Variants in LMNTD1 observed in about 807,000 individuals in gnomAD.
LMNTD1 encodes the protein lamin tail domain containing 1, also known as lamin tail domain-containing protein 1.
A neutral mutation model predicts 50.9 loss-of-function variants in LMNTD1; 35 were observed. That is an observed-to-expected ratio of 0.69 (90% confidence interval 0.53 to 0.91). The LOEUF is 0.91. LMNTD1 is among the 40% of genes least tolerant of loss of function. LMNTD1 has a pLI of 0.00. For synonymous variants in LMNTD1, 153 were observed against 161.9 expected (o/e 0.94, Z 0.42); for missense variants, 470 against 475.5 (o/e 0.99, Z 0.11).
Position 25,489,776 on chromosome 12 carries a change from C to T in LMNTD1, c.*23-13316G>A, listed in dbSNP as rs1416327458. On this transcript the variant is annotated intron_variant, in intron 9 of 9. Coordinates refer to ENST00000458174, the MANE Select transcript of LMNTD1 (RefSeq NM_001145728.2). The stretch of plus-strand genomic sequence containing the variant: ...TATTGAAAAATAAAAAGGTGAATGA[C>T]GATTCAGGATATAAGGATTGTATGT... 4.6e-5 allele frequency among the ~76,000 whole-genome samples: 7 copies of T among 152,038 alleles called. No individual in the cohort carries two copies. In the East Asian group the frequency reaches 9.6e-4, roughly 21 times the overall value.
chr12:25,498,907 A>G (rs1355820573), intron 9 of LMNTD1, among the ~76,000 whole-genome samples: 2 of 152,166 alleles, frequency 1.3e-5, no homozygotes, highest in African/African-American at 2.4e-5. Flanking sequence ...ATTAATGGCA[A>G]TGCCTGGTGA....
intron 2 of LMNTD1, among the ~76,000 whole-genome samples, chr12:25,550,756 G>A (rs1017381910): frequency 6.6e-6 from 1 of 152,216 alleles, no homozygotes; most frequent in African/African-American, 2.4e-5. Flanking sequence ...GTTCTACAAT[G>A]TGAAAGTTCC....
chr12:25,551,551 G>A (rs1943745545), intron 2 of LMNTD1, among the ~76,000 whole-genome samples: 1 of 152,080 alleles, frequency 6.6e-6, no homozygotes, highest in Non-Finnish European at 1.5e-5. Context: ...CACTATGCCT[G>A]CTAATTTTGA....
At chr12:25,539,251 C>A (rs899819721) in intron 4 of LMNTD1, among the ~76,000 whole-genome samples, 1 of 149,904 alleles carries the variant, frequency 6.7e-6, no homozygotes, top group African/African-American at 2.5e-5. Context: ...AACTCTCCAC[C>A]CCAAATCAAC....
rs766320140 is a variant in LMNTD1 at position 25,552,980 on chromosome 12, C to A, written c.-21G>T. On this transcript the variant is annotated 5_prime_UTR_variant, in exon 2 of 10. Coordinates refer to ENST00000458174, the MANE Select transcript of LMNTD1 (RefSeq NM_001145728.2). ...TTCATCTTGGCTAGAAAAGAAGTCT[C>A]TTTTCTTTCCTAGGAAAGCAGATCA... 6.2e-7 allele frequency: 1 copy of A among 1,607,690 alleles called. No homozygotes were observed. Among genetic ancestry groups the A allele is most frequent in the South Asian group, 1.1e-5 (1 of 90,222 alleles).
intron 1 of LMNTD1, among the ~76,000 whole-genome samples, chr12:25,630,314 G>A (rs12813491): frequency 0.061 from 9,267 of 152,200 alleles, 333 homozygotes; most frequent in African/African-American, 0.11. Flanking sequence ...TGGTGGACAG[G>A]AGGCAGGACT....
At chr12:25,487,958 GC>G (rs1350308116) in intron 9 of LMNTD1, among the ~76,000 whole-genome samples, 5 of 145,570 alleles carry the variant, frequency 3.4e-5, no homozygotes, top group Non-Finnish European at 6.0e-5. Flanking sequence ...TTGAATATTG[GC>G]CCCCACTCTC....
At chr12:25,618,758 A>G (rs1045535235) in intron 1 of LMNTD1, among the ~76,000 whole-genome samples, 3 of 152,208 alleles carry the variant, frequency 2.0e-5, no homozygotes, top group African/African-American at 7.2e-5. Context: ...GACCAAACCA[A>G]CTGCTAAAAT....
At chr12:25,541,054 C>A (rs557947562) in intron 4 of LMNTD1, among the ~76,000 whole-genome samples, 1 of 113,860 alleles carries the variant, frequency 8.8e-6, no homozygotes, top group African/African-American at 2.9e-5. Flanking sequence ...GAACTACAAA[C>A]CGCTGCTCAA....
At chr12:25,539,764 T>A (rs9795932) in intron 4 of LMNTD1, among the ~76,000 whole-genome samples, 6 of 103,884 alleles carry the variant, frequency 5.8e-5, no homozygotes. Context: ...AAAAACCCTT[T>A]AAAAAATTAA....
intron 1 of LMNTD1, among the ~76,000 whole-genome samples, chr12:25,609,758 C>A (rs957583894): frequency 6.6e-6 from 1 of 152,140 alleles, no homozygotes. Flanking sequence ...GTCAGTCAGC[C>A]CCTACTGGGA....
intron 2 of LMNTD1, among the ~76,000 whole-genome samples, chr12:25,551,987 A>G (rs1379751150): frequency 6.6e-6 from 1 of 152,196 alleles, no homozygotes; most frequent in Non-Finnish European, 1.5e-5. Flanking sequence ...CTGCATTGAT[A>G]ATATTGACGA....
chr12:25,482,342 A>G (rs531354105), intron 9 of LMNTD1, among the ~76,000 whole-genome samples: 11 of 152,028 alleles, frequency 7.2e-5, no homozygotes, highest in Non-Finnish European at 1.0e-4. Context: ...CAGTAACTAT[A>G]TTTTTTTATA....
chr12:25,536,903 T>C (rs1942629741), intron 4 of LMNTD1, among the ~76,000 whole-genome samples: 1 of 152,260 alleles, frequency 6.6e-6, no homozygotes, highest in Non-Finnish European at 1.5e-5. Context: ...GGCGAGGCAT[T>C]GCCTCACTCG....
chr12:25,553,344 C>G (rs1026198162), upstream of LMNTD1: 12 of 980,254 alleles, frequency 1.2e-5, no homozygotes, highest in Non-Finnish European at 1.5e-5. Context: ...CCATAGTAAC[C>G]AAGTTCCAGT....
chr12:25,493,829 G>T (rs1422708672), intron 9 of LMNTD1, among the ~76,000 whole-genome samples: 2 of 152,138 alleles, frequency 1.3e-5, no homozygotes, highest in African/African-American at 2.4e-5. Flanking sequence ...AATAGAACAT[G>T]TCTGAGGGAT....
intron 1 of LMNTD1, among the ~76,000 whole-genome samples, chr12:25,614,836 G>A (rs1565520234): frequency 6.6e-6 from 1 of 152,168 alleles, no homozygotes; most frequent in Non-Finnish European, 1.5e-5. Context: ...CCAAGGTATT[G>A]TTAGGTTTGG....
At chr12:25,559,664 A>C (rs1429536847) in intron 1 of LMNTD1, among the ~76,000 whole-genome samples, 1 of 152,212 alleles carries the variant, frequency 6.6e-6, no homozygotes, top group Non-Finnish European at 1.5e-5. Flanking sequence ...TCCAACCAAC[A>C]GTGTAAAAGT....
Position 25,571,379 on chromosome 12 carries a change from T to TTTA in LMNTD1, c.59-24826_59-24825insTAA, listed in dbSNP as rs1565490526. Among the ~76,000 whole-genome samples, 3 of 110,810 alleles carry TTTA rather than the reference T, an allele frequency of 2.7e-5. No homozygotes were observed. In the South Asian group the frequency reaches 1.1e-3, roughly 39 times the overall value. The allele number at this position is 110,810 out of a possible 152,430, so 72.7% of individuals were successfully genotyped here. A position where few individuals can be genotyped will look rare whatever the true frequency, so the allele number is the denominator to read the frequency against. ...TATTTATTTATTTATTTATTTATTTTTTGAGACGGAGTCTCGCTCTGTCAC... is the reference window on the plus strand; with the variant it reads ...TATTTATTTATTTATTTATTTATTTTTTATTGAGACGGAGTCTCGCTCTGTCAC... On this transcript the variant is annotated intron_variant, in intron 1 of 7. Coordinates refer to the LMNTD1 transcript ENST00000445693.
Sources: gnomAD v4.1 joint callset for allele counts (sites outside exome capture counted in the v4.1 genomes callset) on GRCh38, gnomAD v4.1.1 for gene constraint, MANE v1.5 for transcripts, NCBI Gene and HGNC (gene_info 2026-07-23, HGNC 2026-07-21) for gene names.